PIP5K1B: variants seen among roughly 807,000 people sequenced by gnomAD.
PIP5K1B encodes the protein phosphatidylinositol 4-phosphate 5-kinase type-1 beta.
A neutral mutation model predicts 67.0 loss-of-function variants in PIP5K1B; 42 were observed. The ratio of observed to expected loss-of-function variants is 0.63; its 90% CI spans 0.49 to 0.81. The LOEUF is 0.81. Among genes scored for constraint, PIP5K1B ranks in the 30% least tolerant of loss-of-function variants. The probability of loss-of-function intolerance (pLI) is 0.00; values close to 1 mark genes in which losing one functional copy is unlikely to be tolerated. For synonymous variants in PIP5K1B, 214 were observed against 231.4 expected (o/e 0.92, Z 0.68); for missense variants, 459 against 646.3 (o/e 0.71, Z 3.14).
At chr9:68,908,384 A>G (rs1231036440) in intron 8 of PIP5K1B, among the ~76,000 whole-genome samples, 1 of 151,944 alleles carries the variant, frequency 6.6e-6, no homozygotes, top group Non-Finnish European at 1.5e-5. Flanking sequence ...CACATTATAT[A>G]TATACATGTA....
intron 14 of PIP5K1B, among the ~76,000 whole-genome samples, chr9:68,976,782 C>T (rs1436087445): frequency 1.3e-5 from 2 of 152,290 alleles, no homozygotes; most frequent in East Asian, 3.9e-4. Context: ...GAATCTAATG[C>T]CACCACTGAT....
At chr9:68,740,964 G>A (rs1211434958) in intron 1 of PIP5K1B, among the ~76,000 whole-genome samples, 1 of 152,168 alleles carries the variant, frequency 6.6e-6, no homozygotes, top group Non-Finnish European at 1.5e-5. Context: ...TTTAGATCAG[G>A]TCATTTCTAA....
intron 15 of PIP5K1B, among the ~76,000 whole-genome samples, chr9:69,004,978 C>T (rs1046450452): frequency 6.6e-6 from 1 of 152,048 alleles, no homozygotes; most frequent in African/African-American, 2.4e-5. Context: ...TTCATGTATC[C>T]AGATCATGTC....
At chr9:68,793,741 A>G (rs558978147) in intron 2 of PIP5K1B, among the ~76,000 whole-genome samples, 1 of 152,154 alleles carries the variant, frequency 6.6e-6, no homozygotes, top group African/African-American at 2.4e-5. Context: ...ATTCAAGTGG[A>G]GGCATCAAGT....
chr9:68,833,282 C>T (rs551026113), intron 4 of PIP5K1B, among the ~76,000 whole-genome samples: 1 of 152,310 alleles, frequency 6.6e-6, no homozygotes, highest in Non-Finnish European at 1.5e-5. Flanking sequence ...GGGCTGGGAT[C>T]GCGAGTGTGT....
At chr9:68,823,669 A>C (rs902688670) in intron 4 of PIP5K1B, among the ~76,000 whole-genome samples, 1 of 152,202 alleles carries the variant, frequency 6.6e-6, no homozygotes, top group African/African-American at 2.4e-5. Context: ...TTATAAATTG[A>C]CTATACATTT....
chr9:68,802,739 A>G (rs943690178), intron 2 of PIP5K1B, among the ~76,000 whole-genome samples: 2 of 152,170 alleles, frequency 1.3e-5, no homozygotes, highest in African/African-American at 4.8e-5. Flanking sequence ...AGATGCAAAG[A>G]GAACCACGCA....
In PIP5K1B at chr9:68,789,122, A is replaced by G. The variant is rs78759163; in HGVS notation, c.-85-29339A>G. Reference sequence around the variant, plus strand: ...CATCAATCTCTTCAATCACATCAAAATAGGCCTCATTGTTGGTGTATTTCA... The same window carrying G: ...CATCAATCTCTTCAATCACATCAAAGTAGGCCTCATTGTTGGTGTATTTCA... On this transcript the variant is annotated intron_variant, in intron 2 of 15. Coordinates refer to ENST00000265382, the MANE Select transcript of PIP5K1B (RefSeq NM_003558.4). 5,661 of 578,432 alleles carry G rather than the reference A, an allele frequency of 9.8e-3. 81 individuals are homozygous for G. The highest frequency in any genetic ancestry group is 0.032 in the South Asian group (2,173 of 67,342). The allele number at this position is 578,432 out of a possible 1,614,324, so 35.8% of individuals were successfully genotyped here.
chr9:68,871,113 A>G (rs1236568701), intron 5 of PIP5K1B, among the ~76,000 whole-genome samples: 1 of 152,212 alleles, frequency 6.6e-6, no homozygotes, highest in African/African-American at 2.4e-5. Flanking sequence ...TTATTAGTAC[A>G]TAGAGAGGAG....
At chr9:68,730,241 C>T (rs1011041434) in intron 1 of PIP5K1B, among the ~76,000 whole-genome samples, 5 of 152,082 alleles carry the variant, frequency 3.3e-5, no homozygotes, top group African/African-American at 4.8e-5. Context: ...ATGAATATGG[C>T]ATGAAGAACA....
intron 13 of PIP5K1B, among the ~76,000 whole-genome samples, chr9:68,940,393 A>G (rs1261242246): frequency 6.6e-6 from 1 of 152,200 alleles, no homozygotes; most frequent in Non-Finnish European, 1.5e-5. Context: ...TTAGGTTTTT[A>G]AAAGAACATT....
At chr9:68,947,487 TC>T (rs767495481) in intron 14 of PIP5K1B, among the ~76,000 whole-genome samples, 3 of 152,176 alleles carry the variant, frequency 2.0e-5, no homozygotes, top group Non-Finnish European at 4.4e-5. Context: ...CTATGGGATA[TC>T]GTTTGCAACT....
At chr9:68,707,769 C>T (rs1827191980) in intron 1 of PIP5K1B, 1 of 152,174 alleles carries the variant, frequency 6.6e-6, no homozygotes, top group South Asian at 2.1e-4. Context: ...ATCATGGAAA[C>T]TGCAATACAC....
intron 5 of PIP5K1B, among the ~76,000 whole-genome samples, chr9:68,867,057 A>G (rs1472907872): frequency 6.6e-6 from 1 of 152,236 alleles, no homozygotes; most frequent in Admixed American, 6.5e-5. Flanking sequence ...AACAATCCAT[A>G]CTACTTATAG....
chr9:68,998,818 A>G (rs1222087826), intron 15 of PIP5K1B, among the ~76,000 whole-genome samples: 1 of 152,208 alleles, frequency 6.6e-6, no homozygotes, highest in Non-Finnish European at 1.5e-5. Context: ...CTTAAGGACT[A>G]TTCGGTTTAT....
intron 2 of PIP5K1B, among the ~76,000 whole-genome samples, chr9:68,757,249 G>C (rs962716743): frequency 1.3e-5 from 2 of 152,158 alleles, no homozygotes; most frequent in Non-Finnish European, 2.9e-5. Context: ...AGTGGCTATA[G>C]TATTTGGCAG....
chr9:68,764,074 CTTTTTTTTTTTT>C (rs72304177), intron 2 of PIP5K1B, among the ~76,000 whole-genome samples: 5 of 73,516 alleles, frequency 6.8e-5, no homozygotes, highest in South Asian at 1.0e-3. Context: ...ACTATAACTT[CTTTTTTTTTTTT>C]TTTTTTTTTT....
At position 68,923,515 on chromosome 9, in the gene PIP5K1B, A is replaced by C. The variant is rs148553334; in HGVS notation, c.1201+129A>C. Reference sequence around the variant, plus strand: ...CAGTAATCACTTAGTAATTATGGTTAAGTAACCCAGTCAGGTGTTTATTGA... The same window carrying C: ...CAGTAATCACTTAGTAATTATGGTTCAGTAACCCAGTCAGGTGTTTATTGA... On this transcript the variant is annotated intron_variant, in intron 12 of 15. Coordinates refer to ENST00000265382, the MANE Select transcript of PIP5K1B (RefSeq NM_003558.4). 759 of 576,438 alleles carry C rather than the reference A, an allele frequency of 1.3e-3. 5 individuals carry two copies. Among genetic ancestry groups the C allele is most frequent in the African/African-American group, 0.012 (654 of 52,608 alleles). 35.7% of individuals were successfully genotyped at this position (576,438 alleles called of 1,614,324 possible). A position where few individuals can be genotyped will look rare whatever the true frequency, so the allele number is the denominator to read the frequency against.
intron 15 of PIP5K1B, among the ~76,000 whole-genome samples, chr9:69,005,334 A>G (rs1831028420): frequency 6.6e-6 from 1 of 152,144 alleles, no homozygotes; most frequent in Non-Finnish European, 1.5e-5. Flanking sequence ...TAAGTCACCA[A>G]CTGTTTACAG....
Sources: gnomAD v4.1 joint callset for allele counts (sites outside exome capture counted in the v4.1 genomes callset) on GRCh38, gnomAD v4.1.1 for gene constraint, MANE v1.5 for transcripts, NCBI Gene and HGNC (gene_info 2026-07-23, HGNC 2026-07-21) for gene names.